The following USP8 variants were observed in gnomAD, a reference collection of about 807,000 sequenced individuals.
The protein encoded by USP8 is ubiquitin specific peptidase 8, also known as ubiquitin carboxyl-terminal hydrolase 8.
A neutral mutation model predicts 130.0 loss-of-function variants in USP8; 27 were observed. The observed-to-expected ratio is 0.21, with a 90% CI of 0.15 to 0.29. USP8 has a LOEUF of 0.29. Ranked by LOEUF, USP8 falls within the 10% of genes least tolerant of loss-of-function variation. USP8 has a pLI of 1.00. For synonymous variants in USP8, 392 were observed against 444.1 expected (o/e 0.88, Z 1.48); for missense variants, 1,029 against 1,312.2 (o/e 0.78, Z 3.33).
rs2052722402 is a variant in USP8, at chr15:50,510,560, T to C, written c.*11472T>C. ...TTTTAAATTTTCTTACATATAATTC[T>C]GCTATTGTGGGTATGTAGAAGAATG... On this transcript the variant is annotated 3_prime_UTR_variant, in exon 20 of 20. Transcript: ENST00000307179. The C allele has an allele frequency of 6.6e-6, 1 of 152,190 alleles. No homozygotes were observed. Among genetic ancestry groups the C allele is most frequent in the African/African-American group, 2.4e-5 (1 of 41,446 alleles). 9.4% of individuals were successfully genotyped at this position (152,190 alleles called of 1,614,324 possible).
Position 50,503,852 on chromosome 15 carries a change from G to C in USP8, c.*4764G>C, listed in dbSNP as rs895392186. 8 of 151,970 alleles carry C rather than the reference G, an allele frequency of 5.3e-5. No individual in the cohort carries two copies. The highest frequency in any genetic ancestry group is 3.3e-4 in the Admixed American group (5 of 15,240). 9.4% of individuals were successfully genotyped at this position (151,970 alleles called of 1,614,324 possible). A position where few individuals can be genotyped will look rare whatever the true frequency, so the allele number is the denominator to read the frequency against. On this transcript the variant is annotated 3_prime_UTR_variant, in exon 20 of 20. Coordinates refer to ENST00000307179, the MANE Select transcript of USP8 (RefSeq NM_005154.5). ...CAATTCAAAATAATAGAACATGCAAGGAAACAATTTATCATAAGAGTCAGA... is the reference window on the plus strand; with the variant it reads ...CAATTCAAAATAATAGAACATGCAACGAAACAATTTATCATAAGAGTCAGA...
chr15:50,472,101 A>G lies in USP8; in HGVS notation c.849+306A>G, dbSNP rs146464937. On this transcript the variant is annotated intron_variant, in intron 8 of 19. Coordinates refer to ENST00000307179, the MANE Select transcript of USP8 (RefSeq NM_005154.5). ...TTTTTAGAAGAGAGGGGGTTTCACC[A>G]TGTTGGCCAGGCTGGTCTCGAACTC... Among the ~76,000 whole-genome samples, 744 of 151,698 alleles carry G rather than the reference A, an allele frequency of 4.9e-3. 8 individuals are homozygous for G. The highest frequency in any genetic ancestry group is 0.017 in the African/African-American group (714 of 41,426).
chr15:50,451,542 C>G (rs141196901), intron 4 of USP8, among the ~76,000 whole-genome samples: 191 of 152,258 alleles, frequency 1.3e-3, no homozygotes, highest in African/African-American at 4.4e-3. Flanking sequence ...TGCTAAATAA[C>G]CTCTGGGTCC....
chr15:50,456,608 G>A (rs369305136), intron 4 of USP8, among the ~76,000 whole-genome samples: 3 of 148,566 alleles, frequency 2.0e-5, no homozygotes, highest in South Asian at 2.1e-4. Flanking sequence ...CTTAATGGCC[G>A]GGTGTGGTGG....
chr15:50,440,564 T>C (rs952557661), intron 2 of USP8, among the ~76,000 whole-genome samples: 1 of 152,214 alleles, frequency 6.6e-6, no homozygotes, highest in Non-Finnish European at 1.5e-5. Flanking sequence ...ATTATTACTC[T>C]GTAATGTATA....
chr15:50,485,671 A>G (rs576696329), intron 12 of USP8, among the ~76,000 whole-genome samples: 1 of 142,292 alleles, frequency 7.0e-6, no homozygotes, highest in South Asian at 2.2e-4. Flanking sequence ...AATTTAGTCT[A>G]CCCTAAAGCC....
At chr15:50,485,233 CAG>C (rs1206586792) in intron 12 of USP8, among the ~76,000 whole-genome samples, 1 of 151,800 alleles carries the variant, frequency 6.6e-6, no homozygotes, top group Non-Finnish European at 1.5e-5. Flanking sequence ...ATCACGAGGT[CAG>C]GAGATCGAGA....
chr15:50,437,982 A>G (rs2050139824), intron 1 of USP8, among the ~76,000 whole-genome samples: 2 of 152,378 alleles, frequency 1.3e-5, no homozygotes, highest in African/African-American at 2.4e-5. Flanking sequence ...GCAAGTATAG[A>G]TAGAAAAAAA....
At position 50,509,282 on chromosome 15, in the gene USP8, A is replaced by C. The variant is rs1285987253; in HGVS notation, c.*10194A>C. On this transcript the variant is annotated 3_prime_UTR_variant, in exon 20 of 20. Transcript: ENST00000307179. The stretch of plus-strand genomic sequence containing the variant: ...CAGTGAGCCAAGATCACACCACTGC[A>C]CTCCAGCCTGGGAGACAGAGTGAGA... 6.6e-6 allele frequency: 1 copy of C among 151,706 alleles called. No individual in the cohort carries two copies. The highest frequency in any genetic ancestry group is 1.5e-5 in the Non-Finnish European group (1 of 68,120). The allele number at this position is 151,706 out of a possible 1,614,324, so 9.4% of individuals were successfully genotyped here.
intron 10 of USP8, among the ~76,000 whole-genome samples, chr15:50,480,017 T>C (rs888795964): frequency 2.6e-5 from 4 of 152,182 alleles, no homozygotes; most frequent in African/African-American, 9.7e-5. Flanking sequence ...CGGCTCGGCC[T>C]CCCAAAGTGC....
At chr15:50,476,790 G>C in intron 8 of USP8, 59 bp from the exon 9 acceptor site, 1 of 1,471,114 alleles carries the variant, frequency 6.8e-7, no homozygotes, top group Non-Finnish European at 9.0e-7. Flanking sequence ...TAGATTTGTT[G>C]TGTTTTTAGC....
At chr15:50,467,804 A>G (rs2141287780) in intron 7 of USP8, among the ~76,000 whole-genome samples, 1 of 151,882 alleles carries the variant, frequency 6.6e-6, no homozygotes, top group East Asian at 1.9e-4. Context: ...CAGTCCTCCC[A>G]CCGTAGCCTC....
chr15:50,477,220 A>G (rs1432296899), intron 9 of USP8, 56 bp from the exon 10 acceptor site: 4 of 1,469,928 alleles, frequency 2.7e-6, no homozygotes, highest in African/African-American at 2.9e-5. Flanking sequence ...GAGAAATGTA[A>G]GTACTGTGTA....
rs1566896166 is a variant in USP8, at chr15:50,499,124, G to A, written c.*36G>A. 16 of 1,535,490 alleles carry A rather than the reference G, an allele frequency of 1.0e-5. No homozygotes were observed. Among genetic ancestry groups the A allele is most frequent in the Non-Finnish European group, 1.3e-5 (15 of 1,142,540 alleles). ...GTTATAAACTAGTTATCTTTTAAAA[G>A]GCTCAGCAACACAACTCTTGAAATG... On this transcript the variant is annotated 3_prime_UTR_variant, in exon 20 of 20. Coordinates refer to ENST00000307179, the MANE Select transcript of USP8 (RefSeq NM_005154.5).
chr15:50,461,620 T>C (rs1396549504), intron 5 of USP8, among the ~76,000 whole-genome samples: 1 of 152,164 alleles, frequency 6.6e-6, no homozygotes, highest in Non-Finnish European at 1.5e-5. Flanking sequence ...TTTGGGAGGC[T>C]GAGGCAGGCA....
intron 1 of USP8, among the ~76,000 whole-genome samples, chr15:50,434,569 AT>A (rs939651319): frequency 2.6e-4 from 39 of 147,222 alleles, no homozygotes; most frequent in South Asian, 6.5e-4. Flanking sequence ...ATACTTAGTT[AT>A]TTTTTTTTTC....
At chr15:50,439,790 CAATAATAATAATAATAATAAT>C (rs57780466) in intron 2 of USP8, among the ~76,000 whole-genome samples, 3 of 133,588 alleles carry the variant, frequency 2.2e-5, no homozygotes, top group African/African-American at 5.3e-5. Flanking sequence ...AACTCTGTCT[CAATAATAATAATAATAATAAT>C]AATAATAATA....
rs377060305 is a variant in USP8, at chr15:50,483,662, C to T, written c.1804-613C>T. Among the ~76,000 whole-genome samples the T allele has an allele frequency of 2.6e-4, 39 of 152,040 alleles. No individual in the cohort carries two copies. The East Asian group carries it at 5.2e-3, about 20-fold the overall frequency. On this transcript the variant is annotated intron_variant, in intron 11 of 19. Transcript: ENST00000307179. Reference sequence around the variant, plus strand: ...ATAAAAAATTAGCCAGGTGTGGTGGCGGGCGCCTGTAGTCCCAGCTGCTTG... The same window carrying T: ...ATAAAAAATTAGCCAGGTGTGGTGGTGGGCGCCTGTAGTCCCAGCTGCTTG...
rs931698538 is a variant in USP8 at position 50,424,435 on chromosome 15, A to G, written c.-145A>G. The G allele has an allele frequency of 1.0e-5, 4 of 398,582 alleles. No individual in the cohort carries two copies. The highest frequency in any genetic ancestry group is 4.4e-5 in the Admixed American group (1 of 22,718). The allele number at this position is 398,582 out of a possible 1,614,324, so 24.7% of individuals were successfully genotyped here. ...GGGCTGGCTTCCGTCCTGGTAGCCAAGGCTAATTCTCCCTCGAGTTCTTGG... is the reference window on the plus strand; with the variant it reads ...GGGCTGGCTTCCGTCCTGGTAGCCAGGGCTAATTCTCCCTCGAGTTCTTGG... On this transcript the variant is annotated 5_prime_UTR_variant, in exon 1 of 20. Coordinates refer to ENST00000307179, the MANE Select transcript of USP8 (RefSeq NM_005154.5).
Sources: gnomAD v4.1 joint callset for allele counts (sites outside exome capture counted in the v4.1 genomes callset) on GRCh38, gnomAD v4.1.1 for gene constraint, MANE v1.5 for transcripts, NCBI Gene and HGNC (gene_info 2026-07-23, HGNC 2026-07-21) for gene names.